The following GUCA1C variants were observed in gnomAD, a reference collection of about 807,000 sequenced individuals.
GUCA1C encodes the protein guanylyl cyclase-activating protein 3.
GUCA1C carries 15 observed loss-of-function variants against 16.2 expected under a neutral mutation model. The ratio of observed to expected loss-of-function variants is 0.93; its 90% confidence interval spans 0.62 to 1.43. The LOEUF (loss-of-function observed/expected upper bound fraction) is 1.43, where lower values mean the gene tolerates loss of function less well. Ranked by LOEUF, GUCA1C falls within the 40% of genes most tolerant of loss-of-function variation. GUCA1C has a pLI of 0.00. For synonymous variants in GUCA1C, 78 were observed against 85.4 expected (o/e 0.91, Z 0.48); for missense variants, 275 against 244.8 (o/e 1.12, Z -0.82).
At chr3:108,918,843 T>C (rs1400535548) in intron 2 of GUCA1C, among the ~76,000 whole-genome samples, 3 of 152,222 alleles carry the variant, frequency 2.0e-5, no homozygotes, top group Non-Finnish European at 4.4e-5. Context: ...AATTTCTCAA[T>C]AAGTATATAT....
intron 1 of GUCA1C, among the ~76,000 whole-genome samples, chr3:108,941,438 C>T (rs186474663): frequency 7.2e-5 from 11 of 152,316 alleles, no homozygotes; most frequent in East Asian, 5.8e-4. Context: ...TTTAGAGAAA[C>T]CATTTTACCT....
chr3:108,923,692 AT>A (rs1420789871), intron 1 of GUCA1C, among the ~76,000 whole-genome samples: 1 of 152,022 alleles, frequency 6.6e-6, no homozygotes, highest in Non-Finnish European at 1.5e-5. Flanking sequence ...TCTGTGAAAA[AT>A]GGTGGTATTT....
chr3:108,946,389 C>T (rs374263677), intron 1 of GUCA1C, among the ~76,000 whole-genome samples: 1 of 152,084 alleles, frequency 6.6e-6, no homozygotes. Context: ...GCTTTCTTGG[C>T]CTTTCAAGAG....
intron 1 of GUCA1C, among the ~76,000 whole-genome samples, 186 bp downstream of exon 1, chr3:108,953,366 AATTATTT>A (rs1946915225): frequency 1.3e-5 from 2 of 152,246 alleles, no homozygotes; most frequent in East Asian, 3.9e-4. Flanking sequence ...GCTAGTTCCC[AATTATTT>A]TCATGCCGTC....
chr3:108,909,482 G>C (rs555265569), intron 3 of GUCA1C, among the ~76,000 whole-genome samples: 2 of 152,274 alleles, frequency 1.3e-5, no homozygotes, highest in East Asian at 3.9e-4. Flanking sequence ...ACCGCCCTTT[G>C]CAAAAGAAAA....
At chr3:108,921,121 A>G (rs1041707998) in intron 1 of GUCA1C, among the ~76,000 whole-genome samples, 27 of 152,168 alleles carry the variant, frequency 1.8e-4, no homozygotes, top group South Asian at 4.1e-4. Flanking sequence ...GGCAACCATT[A>G]ATCTTTTTAC....
chr3:108,932,345 A>AC (rs1946677984), intron 1 of GUCA1C, among the ~76,000 whole-genome samples: 1 of 151,056 alleles, frequency 6.6e-6, no homozygotes, highest in African/African-American at 2.4e-5. Context: ...AAAAACAAAA[A>AC]AAAAAAACAG....
rs773535702 is a variant in GUCA1C at position 108,908,000 on chromosome 3, G to C, written c.*22C>G. 7.0e-6 allele frequency: 11 copies of C among 1,569,914 alleles called. No individual in the cohort carries two copies. The highest frequency in any genetic ancestry group is 9.6e-6 in the Non-Finnish European group (11 of 1,145,614). ...TACTGAAATGTTGTGCTCATTGATA[G>C]CTGGGACAGGTATTCTCACAGCTAC... On this transcript the variant is annotated 3_prime_UTR_variant, in exon 4 of 4. Coordinates refer to ENST00000261047, the MANE Select transcript of GUCA1C (RefSeq NM_005459.4).
intron 1 of GUCA1C, among the ~76,000 whole-genome samples, chr3:108,928,144 A>G (rs1477737598): frequency 6.6e-6 from 1 of 152,100 alleles, no homozygotes. Flanking sequence ...AGTTCTTTCA[A>G]AGTGTCTGTG....
intron 3 of GUCA1C, among the ~76,000 whole-genome samples, chr3:108,912,800 T>A (rs1200262010): frequency 6.6e-6 from 1 of 151,996 alleles, no homozygotes; most frequent in Non-Finnish European, 1.5e-5. Context: ...ATTTCTTACA[T>A]GACATCTTCT....
intron 1 of GUCA1C, among the ~76,000 whole-genome samples, chr3:108,933,614 TC>T (rs1946692644): frequency 6.6e-6 from 1 of 152,046 alleles, no homozygotes; most frequent in South Asian, 2.1e-4. Context: ...GAAATGCAAA[TC>T]AAAACCACAG....
chr3:108,930,500 C>T (rs190075955), intron 1 of GUCA1C, among the ~76,000 whole-genome samples: 113 of 152,302 alleles, frequency 7.4e-4, no homozygotes, highest in African/African-American at 1.9e-3. Flanking sequence ...GAAGCTAATA[C>T]GGTAATCACT....
At chr3:108,927,972 A>G (rs1484931945) in intron 1 of GUCA1C, among the ~76,000 whole-genome samples, 1 of 152,118 alleles carries the variant, frequency 6.6e-6, no homozygotes, top group Non-Finnish European at 1.5e-5. Context: ...AACTGTAGTA[A>G]TTATTTTTGC....
At chr3:108,936,013 C>T (rs1946724055) in intron 1 of GUCA1C, among the ~76,000 whole-genome samples, 3 of 152,110 alleles carry the variant, frequency 2.0e-5, no homozygotes, top group Admixed American at 2.0e-4. Context: ...GCTTGTAATC[C>T]CACCACTTTG....
intron 1 of GUCA1C, among the ~76,000 whole-genome samples, chr3:108,946,422 C>T (rs9825305): frequency 0.15 from 23,266 of 152,090 alleles, 1,935 homozygotes; most frequent in Middle Eastern, 0.26. Flanking sequence ...AGGCGTGAGC[C>T]ACCATGCACA....
At chr3:108,939,254 G>A (rs112209863) in intron 1 of GUCA1C, among the ~76,000 whole-genome samples, 5,040 of 146,806 alleles carry the variant, frequency 0.034, 120 homozygotes, top group Middle Eastern at 0.12. Context: ...AGTTGAGAAT[G>A]TAGAAAATGG....
chr3:108,917,096 C>A (rs1946525938), intron 2 of GUCA1C, among the ~76,000 whole-genome samples: 1 of 152,104 alleles, frequency 6.6e-6, no homozygotes, highest in Non-Finnish European at 1.5e-5. Flanking sequence ...TTGGCTTTAG[C>A]AAGTTTAGGT....
In GUCA1C at chr3:108,948,676, T is replaced by C. The variant is rs574998481; in HGVS notation, c.204+4883A>G. ...CACTTTTAGCTTCTGGTGTTGGTGTTAAGAAGCTCAATGCTATTTTGGTTT... is the reference window on the plus strand; with the variant it reads ...CACTTTTAGCTTCTGGTGTTGGTGTCAAGAAGCTCAATGCTATTTTGGTTT... On this transcript the variant is annotated intron_variant, in intron 1 of 3. Transcript: ENST00000261047. Among the ~76,000 whole-genome samples, 17 of 152,342 alleles carry C rather than the reference T, an allele frequency of 1.1e-4. 1 individual carries two copies. The highest frequency in any genetic ancestry group is 7.2e-4 in the Admixed American group (11 of 15,300).
intron 1 of GUCA1C, among the ~76,000 whole-genome samples, chr3:108,925,575 G>T (rs1946615329): frequency 6.6e-6 from 1 of 152,134 alleles, no homozygotes; most frequent in Admixed American, 6.5e-5. Context: ...CCCATGTGCT[G>T]ATGAATAGAA....
Sources: gnomAD v4.1 joint callset for allele counts (sites outside exome capture counted in the v4.1 genomes callset) on GRCh38, gnomAD v4.1.1 for gene constraint, MANE v1.5 for transcripts, NCBI Gene and HGNC (gene_info 2026-07-23, HGNC 2026-07-21) for gene names.